ASTN2: variants seen among roughly 807,000 people sequenced by gnomAD.
ASTN2 encodes the protein astrotactin 2, also known as astrotactin-2.
A neutral mutation model predicts 139.8 loss-of-function variants in ASTN2; 54 were observed. The ratio of observed to expected loss-of-function variants is 0.39; its 90% confidence interval spans 0.31 to 0.48. The LOEUF (loss-of-function observed/expected upper bound fraction) is 0.48, where lower values mean the gene tolerates loss of function less well. Among genes scored for constraint, ASTN2 ranks in the 20% least tolerant of loss-of-function variants. The probability of loss-of-function intolerance (pLI) is 0.95; values close to 1 mark genes in which losing one functional copy is unlikely to be tolerated. For synonymous variants in ASTN2, 756 were observed against 719.5 expected, an observed-to-expected ratio of 1.05 and a Z score of -0.81; for missense variants, 1,565 against 1,725.1, an observed-to-expected ratio of 0.91 and a Z score of 1.64.
At chr9:116,781,663 G>C (rs1830221947) in intron 13 of ASTN2, among the ~76,000 whole-genome samples, 2 of 152,146 alleles carry the variant, frequency 1.3e-5, no homozygotes, top group African/African-American at 4.8e-5. Context: ...GCTCTCAAAA[G>C]TGTTGGACAT....
chr9:117,292,690 G>A (rs992039224), intron 1 of ASTN2, among the ~76,000 whole-genome samples: 10 of 151,814 alleles, frequency 6.6e-5, no homozygotes, highest in African/African-American at 1.9e-4. Context: ...CAAAGACCTC[G>A]AGTGCATTCA....
intron 4 of ASTN2, among the ~76,000 whole-genome samples, chr9:117,098,879 G>T (rs1048100777): frequency 1.3e-5 from 2 of 152,020 alleles, no homozygotes; most frequent in Non-Finnish European, 2.9e-5. Context: ...AGGCCAAGGC[G>T]GGCAGATTGC....
Position 116,642,542 on chromosome 9 carries a change from C to T in ASTN2, c.3072+8986G>A, listed in dbSNP as rs140167690. 6.0e-4 allele frequency among the ~76,000 whole-genome samples: 91 copies of T among 152,130 alleles called. No homozygotes were observed. In the East Asian group the frequency reaches 8.3e-3, roughly 14 times the overall value. The stretch of plus-strand genomic sequence containing the variant: ...ACTCTTCAGCCATCTCATACATATA[C>T]CCCCCATCTAACTGACACTGACCCT... On this transcript the variant is annotated intron_variant, in intron 17 of 22. Coordinates refer to ENST00000313400, the MANE Select transcript of ASTN2 (RefSeq NM_001365068.1).
chr9:116,491,898 T>G (rs932647189), intron 19 of ASTN2, among the ~76,000 whole-genome samples: 2 of 152,224 alleles, frequency 1.3e-5, no homozygotes, highest in African/African-American at 4.8e-5. Flanking sequence ...GATTAAATCC[T>G]AGTACTCCAC....
chr9:116,901,342 T>C (rs944340148), intron 10 of ASTN2, among the ~76,000 whole-genome samples: 1 of 152,096 alleles, frequency 6.6e-6, no homozygotes, highest in East Asian at 1.9e-4. Context: ...TAAAACCTTA[T>C]TGCTACAGAA....
At chr9:117,105,276 T>C (rs551456642) in intron 4 of ASTN2, among the ~76,000 whole-genome samples, 2 of 152,292 alleles carry the variant, frequency 1.3e-5, no homozygotes, top group East Asian at 1.9e-4. Flanking sequence ...TCTGGCTTTC[T>C]AAAAACACTG....
chr9:117,310,852 G>C (rs540005352), intron 1 of ASTN2, among the ~76,000 whole-genome samples: 1 of 152,152 alleles, frequency 6.6e-6, no homozygotes, highest in African/African-American at 2.4e-5. Flanking sequence ...TTGAATTACT[G>C]GGCTCAAGCA....
chr9:116,453,358 C>A (rs191872969), intron 20 of ASTN2, among the ~76,000 whole-genome samples: 1 of 152,172 alleles, frequency 6.6e-6, no homozygotes, highest in Admixed American at 6.5e-5. Flanking sequence ...CTTTGGGAGG[C>A]AGAGGCGGGT....
chr9:117,318,169 A>C (rs894162207), intron 1 of ASTN2, among the ~76,000 whole-genome samples: 3 of 152,170 alleles, frequency 2.0e-5, no homozygotes, highest in African/African-American at 7.2e-5. Flanking sequence ...GACTAGGTTC[A>C]AATCCCACCT....
chr9:116,863,598 A>T lies in ASTN2; in HGVS notation c.2025T>A (p.Asp675Glu). ...GGGCACTTACCACACATCCCGAGGA[A>T]TCCACCTGCCGGTCAGACACACACT... ...NFKCVSDRQV[D>E]SSGCVCPEEL... Residue 675 changes from aspartate to glutamate, a missense_variant, in exon 11 of 23, where the codon GAT (aspartate) becomes GAA (glutamate). By Grantham distance (45) the Asp-to-Glu change is conservative. This residue lies in a region of ASTN2 where 503 missense variants were observed against 591.7 expected (regional missense o/e 0.85). Coordinates refer to ENST00000313400, the MANE Select transcript of ASTN2 (RefSeq NM_001365068.1). 3 of 1,614,148 alleles carry T rather than the reference A, an allele frequency of 1.9e-6. No homozygotes were observed. The highest frequency in any genetic ancestry group is 2.5e-6 in the Non-Finnish European group (3 of 1,180,008).
intron 17 of ASTN2, among the ~76,000 whole-genome samples, chr9:116,647,770 T>C (rs1857675090): frequency 6.6e-6 from 1 of 152,152 alleles, no homozygotes; most frequent in South Asian, 2.1e-4. Context: ...TAAACAAAAC[T>C]ACATCCTCAC....
At chr9:117,282,428 C>G (rs950899705) in intron 2 of ASTN2, among the ~76,000 whole-genome samples, 1 of 152,202 alleles carries the variant, frequency 6.6e-6, no homozygotes, top group Non-Finnish European at 1.5e-5. Context: ...TCAAACTTTT[C>G]CATCTGGGCT....
intron 3 of ASTN2, among the ~76,000 whole-genome samples, chr9:117,209,250 T>C (rs1832040768): frequency 6.6e-6 from 1 of 152,060 alleles, no homozygotes; most frequent in African/African-American, 2.4e-5. Context: ...ATTAAGAATA[T>C]ATAAACAGGA....
Position 116,423,163 on chromosome 9 carries a change from C to G in ASTN2, c.*2688G>C, listed in dbSNP as rs1233432144. On this transcript the variant is annotated 3_prime_UTR_variant, in exon 23 of 23. Coordinates refer to ENST00000313400, the MANE Select transcript of ASTN2 (RefSeq NM_001365068.1). ...TCAGAATTCTCTAGGTCTTTCCCAA[C>G]CAGATTTTCCTGGATGTCTGCCCAA... Among the ~76,000 whole-genome samples the G allele has an allele frequency of 6.6e-6, 1 of 152,084 alleles. No individual in the cohort carries two copies. Among genetic ancestry groups the G allele is most frequent in the South Asian group, 2.1e-4 (1 of 4,820 alleles).
chr9:117,403,673 A>G (rs191751307), intron 1 of ASTN2, among the ~76,000 whole-genome samples: 196 of 152,192 alleles, frequency 1.3e-3, no homozygotes, highest in Non-Finnish European at 1.9e-3. Flanking sequence ...CTGCTTGCAA[A>G]GCCACTCGTG....
chr9:116,861,998 C>G (rs1406222367), intron 11 of ASTN2, among the ~76,000 whole-genome samples: 1 of 113,372 alleles, frequency 8.8e-6, no homozygotes, highest in Non-Finnish European at 1.7e-5. Context: ...TTTGCCTATA[C>G]TAGTTTGAGT....
At chr9:116,638,317 T>A (rs1289944786) in intron 17 of ASTN2, among the ~76,000 whole-genome samples, 1 of 152,188 alleles carries the variant, frequency 6.6e-6, no homozygotes, top group African/African-American at 2.4e-5. Flanking sequence ...ATATTAGGAA[T>A]TATTAGTAAA....
At chr9:116,513,446 T>C (rs1850494303) in intron 19 of ASTN2, among the ~76,000 whole-genome samples, 1 of 152,314 alleles carries the variant, frequency 6.6e-6, no homozygotes, top group South Asian at 2.1e-4. Flanking sequence ...TTTTCCTTCA[T>C]TTCAACTTTG....
chr9:116,430,261 A>G (rs1054432749), intron 22 of ASTN2, among the ~76,000 whole-genome samples: 9 of 152,222 alleles, frequency 5.9e-5, no homozygotes, highest in Non-Finnish European at 1.3e-4. Flanking sequence ...ACATATTTGG[A>G]GTGAGAAAGT....
Sources: allele counts gnomAD v4.1 joint callset (sites outside exome capture counted in the v4.1 genomes callset), GRCh38; gene constraint gnomAD v4.1.1; regional missense constraint gnomAD v4.1.1; transcripts MANE v1.5; gene names NCBI Gene and HGNC (gene_info 2026-07-23, HGNC 2026-07-21).